The following KCNK2 variants were observed in gnomAD, a reference collection of about 807,000 sequenced individuals.
KCNK2 encodes potassium channel subfamily K member 2.
In KCNK2, 21 loss-of-function variants were observed where a neutral mutation model predicts 40.5. The ratio of observed to expected loss-of-function variants is 0.52; its 90% CI spans 0.37 to 0.75. The LOEUF (loss-of-function observed/expected upper bound fraction) is 0.75, where lower values mean the gene tolerates loss of function less well. KCNK2 is among the 30% of genes least tolerant of loss of function. The pLI is 0.00. For missense variants in KCNK2, 399 were observed against 531.6 expected (o/e 0.75, Z 2.45); for synonymous variants, 191 against 202.2 (o/e 0.94, Z 0.47).
chr1:215,148,325 T>A (rs1662529235), intron 3 of KCNK2, among the ~76,000 whole-genome samples: 1 of 151,866 alleles, frequency 6.6e-6, no homozygotes. Flanking sequence ...TCCACCTGCC[T>A]CAACCTCCCA....
chr1:215,066,382 T>C (rs1238319686), intron 1 of KCNK2, among the ~76,000 whole-genome samples: 1 of 152,198 alleles, frequency 6.6e-6, no homozygotes, highest in Non-Finnish European at 1.5e-5. Flanking sequence ...TTTACCCCTG[T>C]ATTCCTGTTT....
intron 3 of KCNK2, among the ~76,000 whole-genome samples, chr1:215,160,527 C>T (rs760932966): frequency 2.6e-5 from 4 of 152,148 alleles, no homozygotes; most frequent in African/African-American, 4.8e-5. Flanking sequence ...CCACTTCTGA[C>T]GTCATTGATA....
chr1:215,166,949 C>A (rs1167234505), intron 3 of KCNK2, among the ~76,000 whole-genome samples: 1 of 151,650 alleles, frequency 6.6e-6, no homozygotes, highest in Non-Finnish European at 1.5e-5. Flanking sequence ...ATTTTCATGG[C>A]ATAAGAACAG....
Position 215,083,194 on chromosome 1 carries a change from T to TGCCCC in KCNK2, c.-192_-191insGCCCC. ...CCCGCGATTTCGTTTCTTCTCACGCTCCCCCCCCCGCCCCCTCCCGCGTCC... is the reference window on the plus strand; with the variant it reads ...CCCGCGATTTCGTTTCTTCTCACGCTGCCCCCCCCCCCCCGCCCCCTCCCGCGTCC... On this transcript the variant is annotated 5_prime_UTR_variant, in exon 1 of 7. Coordinates refer to ENST00000444842, the MANE Select transcript of KCNK2 (RefSeq NM_001017425.3). The TGCCCC allele has an allele frequency of 1.7e-4, 86 of 501,794 alleles. No homozygotes were observed. Among genetic ancestry groups the TGCCCC allele is most frequent in the Middle Eastern group, 1.4e-3 (2 of 1,410 alleles). 31.1% of individuals were successfully genotyped at this position (501,794 alleles called of 1,614,324 possible). A position where few individuals can be genotyped will look rare whatever the true frequency, so the allele number is the denominator to read the frequency against.
At chr1:215,074,001 C>T (rs1658847631) in intron 1 of KCNK2, among the ~76,000 whole-genome samples, 1 of 152,098 alleles carries the variant, frequency 6.6e-6, no homozygotes, top group Non-Finnish European at 1.5e-5. Flanking sequence ...TGTAAAAGTT[C>T]CACATGACTC....
At chr1:215,106,888 T>C (rs1660460478) in intron 2 of KCNK2, among the ~76,000 whole-genome samples, 1 of 152,106 alleles carries the variant, frequency 6.6e-6, no homozygotes, top group Non-Finnish European at 1.5e-5. Flanking sequence ...GAAGATAAGA[T>C]GGTTGTAGGT....
rs556433855 is a variant in KCNK2 at position 215,062,540 on chromosome 1, A to G, written c.35-23828A>G. On this transcript the variant is annotated intron_variant, in intron 1 of 6. Transcript: ENST00000391895. ...GGAAGGTGGGATGAACATGGAAACAAGAACTCTACACCTGATATGATTTAG... is the reference window on the plus strand; with the variant it reads ...GGAAGGTGGGATGAACATGGAAACAGGAACTCTACACCTGATATGATTTAG... Among the ~76,000 whole-genome samples the G allele has an allele frequency of 1.2e-4, 18 of 151,040 alleles. No individual in the cohort carries two copies. In the South Asian group the frequency reaches 3.0e-3, roughly 25 times the overall value.
At chr1:215,230,507 G>GTATATATATATATATATA (rs201898524) in intron 6 of KCNK2, among the ~76,000 whole-genome samples, 4 of 65,560 alleles carry the variant, frequency 6.1e-5, no homozygotes, top group South Asian at 3.3e-4. Flanking sequence ...ACACACGGCT[G>GTATATATATATATATATA]TATATATATA....
At chr1:215,161,606 T>C (rs1663200243) in intron 3 of KCNK2, among the ~76,000 whole-genome samples, 1 of 149,866 alleles carries the variant, frequency 6.7e-6, no homozygotes, top group South Asian at 2.1e-4. Context: ...GGCCCCAGTG[T>C]GTGATGTTCC....
At chr1:215,127,635 G>T (rs971219624) in intron 3 of KCNK2, among the ~76,000 whole-genome samples, 1 of 152,156 alleles carries the variant, frequency 6.6e-6, no homozygotes, top group Non-Finnish European at 1.5e-5. Context: ...TCAGAACTCT[G>T]CTGTGGTTTC....
At position 215,099,403 on chromosome 1, in the gene KCNK2, C is replaced by A. The variant is rs561954807; in HGVS notation, c.357+12725C>A. ...AGTATATATAAGAAAACTAAGGATT[C>A]TTTTGGATTTATTATACATACATGA... On this transcript the variant is annotated intron_variant, in intron 2 of 6. Transcript: ENST00000444842. Among the ~76,000 whole-genome samples, 8 of 151,942 alleles carry A rather than the reference C, an allele frequency of 5.3e-5. 1 individual carries two copies. In the South Asian group the frequency reaches 1.5e-3, roughly 28 times the overall value.
In KCNK2 at chr1:215,070,246, T is replaced by TAAA. The variant is rs11452009; in HGVS notation, c.35-16116_35-16114dup. 9.9e-3 allele frequency among the ~76,000 whole-genome samples: 1,489 copies of TAAA among 149,762 alleles called. 22 individuals carry two copies. Among genetic ancestry groups the TAAA allele is most frequent in the South Asian group, 0.064 (298 of 4,668 alleles). On this transcript the variant is annotated intron_variant, in intron 1 of 6. Transcript: ENST00000391895. ...TAACATGGTGAAACCCCATCTCTGC[T>TAAA]AAAAAAAACACAAAAAGAAATTAGC...
rs113320795 is a variant in KCNK2 at position 215,110,356 on chromosome 1, T to C, written c.358-14277T>C. Among the ~76,000 whole-genome samples the C allele has an allele frequency of 2.4e-3, 370 of 152,208 alleles. 2 individuals are homozygous for C. Among genetic ancestry groups the C allele is most frequent in the African/African-American group, 8.5e-3 (354 of 41,556 alleles). Reference sequence around the variant, plus strand: ...GTTTTATAATTTTAGGTCTTATGTTTAAGTCTTTAACCCCTCTTGAGTTGA... The same window carrying C: ...GTTTTATAATTTTAGGTCTTATGTTCAAGTCTTTAACCCCTCTTGAGTTGA... On this transcript the variant is annotated intron_variant, in intron 2 of 6. Coordinates refer to ENST00000444842, the MANE Select transcript of KCNK2 (RefSeq NM_001017425.3).
intron 1 of KCNK2, among the ~76,000 whole-genome samples, chr1:215,009,104 A>G (rs1323654451): frequency 6.6e-6 from 1 of 152,012 alleles, no homozygotes; most frequent in Non-Finnish European, 1.5e-5. Context: ...TTTTTTTGAA[A>G]GTTTAAGGGC....
chr1:215,189,190 G>A (rs1417464462), intron 5 of KCNK2, among the ~76,000 whole-genome samples: 1 of 152,106 alleles, frequency 6.6e-6, no homozygotes, highest in African/African-American at 2.4e-5. Flanking sequence ...TGGTTCAGAA[G>A]TCTTAGGGAC....
At chr1:215,068,465 C>G (rs767513781) in intron 1 of KCNK2, among the ~76,000 whole-genome samples, 2 of 152,192 alleles carry the variant, frequency 1.3e-5, no homozygotes, top group African/African-American at 4.8e-5. Context: ...ACTATTGGCT[C>G]TCAATAGAAA....
Position 215,230,507 on chromosome 1 carries a change from G to GTGTATATATA in KCNK2, c.964-4320_964-4319insGTATATATAT, listed in dbSNP as rs564184766. ...CACACACACACACACACACACGGCT[G>GTGTATATATA]TATATATATATATATATATATATAT... is the stretch of plus-strand genomic sequence containing the variant. On this transcript the variant is annotated intron_variant, in intron 6 of 6. Transcript: ENST00000444842. Among the ~76,000 whole-genome samples the GTGTATATATA allele has an allele frequency of 3.7e-4, 24 of 65,548 alleles. 1 individual carries two copies. The highest frequency in any genetic ancestry group is 1.7e-3 in the African/African-American group (24 of 13,816). The allele number at this position is 65,548 out of a possible 152,430, so 43.0% of individuals were successfully genotyped here. A position where few individuals can be genotyped will look rare whatever the true frequency, so the allele number is the denominator to read the frequency against.
intron 3 of KCNK2, among the ~76,000 whole-genome samples, chr1:215,136,228 T>C (rs963151002): frequency 2.0e-5 from 3 of 152,096 alleles, no homozygotes; most frequent in Non-Finnish European, 2.9e-5. Flanking sequence ...CCTGAGTAGC[T>C]AGGACTACAG....
rs531254876 is a variant in KCNK2 at position 215,030,792 on chromosome 1, C to T, written c.34+24837C>T. On this transcript the variant is annotated intron_variant, in intron 1 of 6. Transcript: ENST00000391895. ...AAACTCCTGGGCTCAAGTGATCTGT[C>T]CACTTCAGCCTCCCAAAGTGCTGGG... Among the ~76,000 whole-genome samples the T allele has an allele frequency of 5.3e-5, 8 of 151,162 alleles. No homozygotes were observed. The South Asian group carries it at 1.5e-3, about 28-fold the overall frequency.
Sources: allele counts gnomAD v4.1 joint callset (sites outside exome capture counted in the v4.1 genomes callset), GRCh38; gene constraint gnomAD v4.1.1; transcripts MANE v1.5; gene names NCBI Gene and HGNC (gene_info 2026-07-23, HGNC 2026-07-21).